The following CADM2 variants were observed in gnomAD, a reference collection of about 807,000 sequenced individuals.
The protein encoded by CADM2 is immunoglobulin superfamily member 4D.
In CADM2, 12 loss-of-function variants were observed where a neutral mutation model predicts 49.8. The ratio of observed to expected loss-of-function variants is 0.24; its 90% CI spans 0.15 to 0.39. The LOEUF (loss-of-function observed/expected upper bound fraction) is 0.39, where lower values mean the gene tolerates loss of function less well. CADM2 is among the 10% of genes least tolerant of loss of function. The pLI, the probability that CADM2 is intolerant of heterozygous loss-of-function variation, is 1.00. For missense variants in CADM2, 378 were observed against 492.3 expected (o/e 0.77, Z 2.20); for synonymous variants, 214 against 175.4 (o/e 1.22, Z -1.74).
At chr3:85,730,370 A>G (rs2067877549) in intron 2 of CADM2, among the ~76,000 whole-genome samples, 1 of 152,140 alleles carries the variant, frequency 6.6e-6, no homozygotes, top group African/African-American at 2.4e-5. Context: ...TGACCCAGGG[A>G]GGCGGAGCCT....
At chr3:85,547,934 A>G (rs543798681) in intron 1 of CADM2, among the ~76,000 whole-genome samples, 1 of 152,240 alleles carries the variant, frequency 6.6e-6, no homozygotes, top group African/African-American at 2.4e-5. Flanking sequence ...ATTCAGTGTT[A>G]GAACCCAGGA....
chr3:85,918,623 G>C (rs547117910), intron 6 of CADM2, among the ~76,000 whole-genome samples: 59 of 152,008 alleles, frequency 3.9e-4, no homozygotes, highest in African/African-American at 1.3e-3. Flanking sequence ...CTCTTTTTTT[G>C]TTGTGTCTCT....
intron 1 of CADM2, among the ~76,000 whole-genome samples, chr3:85,337,724 C>A (rs1260152822): frequency 6.6e-6 from 1 of 151,368 alleles, no homozygotes; most frequent in African/African-American, 2.4e-5. Flanking sequence ...TCTATAAACA[C>A]CCCAAAACTA....
At chr3:85,436,813 G>A (rs1389704271) in intron 1 of CADM2, among the ~76,000 whole-genome samples, 5 of 152,124 alleles carry the variant, frequency 3.3e-5, no homozygotes, top group Non-Finnish European at 1.5e-5. Context: ...CTTTGCCAAA[G>A]CGGTACATTT....
chr3:86,040,289 T>A (rs1375958345), intron 8 of CADM2, among the ~76,000 whole-genome samples: 1 of 152,160 alleles, frequency 6.6e-6, no homozygotes, highest in East Asian at 1.9e-4. Flanking sequence ...TACTCTGAGC[T>A]AAAGGAGGAA....
intron 1 of CADM2, among the ~76,000 whole-genome samples, chr3:85,011,532 T>C (rs1015694566): frequency 3.3e-5 from 5 of 152,208 alleles, no homozygotes; most frequent in African/African-American, 1.2e-4. Flanking sequence ...TAGTAATTTA[T>C]TTTTGAAGTA....
chr3:85,015,073 T>C (rs1232226545), intron 1 of CADM2, among the ~76,000 whole-genome samples: 3 of 152,132 alleles, frequency 2.0e-5, no homozygotes, highest in African/African-American at 4.8e-5. Flanking sequence ...CCATTTTCTA[T>C]TGTGCCGTAC....
In CADM2 at chr3:85,731,370, G is replaced by A. The variant is rs527833245; in HGVS notation, c.88+4822G>A. On this transcript the variant is annotated intron_variant, in intron 2 of 9. Transcript: ENST00000383699. ...TGAATCTTTGTTTTGCAACTCGCTA[G>A]ATTTGAGCACCTGGACAAATTTTCA... Among the ~76,000 whole-genome samples, 69 of 152,246 alleles carry A rather than the reference G, an allele frequency of 4.5e-4. 1 individual carries two copies. Among genetic ancestry groups the A allele is most frequent in the African/African-American group, 1.6e-3 (67 of 41,534 alleles).
chr3:85,186,413 ATTTTT>A (rs1400436641), intron 1 of CADM2, among the ~76,000 whole-genome samples: 8 of 152,116 alleles, frequency 5.3e-5, no homozygotes, highest in Non-Finnish European at 1.2e-4. Context: ...GCTTTTTCTT[ATTTTT>A]GTAAAGTATT....
chr3:85,026,262 A>G (rs1393553131), intron 1 of CADM2, among the ~76,000 whole-genome samples: 1 of 152,184 alleles, frequency 6.6e-6, no homozygotes, highest in East Asian at 1.9e-4. Context: ...TGGAGTGAAG[A>G]TCACAGGTTG....
At chr3:85,978,071 CAT>C (rs1164959555) in intron 8 of CADM2, among the ~76,000 whole-genome samples, 4 of 151,718 alleles carry the variant, frequency 2.6e-5, no homozygotes, top group East Asian at 1.9e-4. Context: ...ATGTGACAAA[CAT>C]GTGAAATCAA....
intron 1 of CADM2, among the ~76,000 whole-genome samples, chr3:85,215,172 G>C (rs184653748): frequency 6.6e-6 from 1 of 151,652 alleles, no homozygotes; most frequent in Admixed American, 6.6e-5. Flanking sequence ...TTAATAAGTA[G>C]CTAATGAATC....
At chr3:85,449,900 T>A (rs758595657) in intron 1 of CADM2, among the ~76,000 whole-genome samples, 1 of 151,926 alleles carries the variant, frequency 6.6e-6, no homozygotes, top group Non-Finnish European at 1.5e-5. Context: ...CCAATGATCT[T>A]ACTAGTACAT....
intron 5 of CADM2, among the ~76,000 whole-genome samples, chr3:85,904,747 C>T (rs553193147): frequency 6.6e-6 from 1 of 152,082 alleles, no homozygotes; most frequent in Non-Finnish European, 1.5e-5. Context: ...CATACTCATA[C>T]GTTTTCACGA....
intron 1 of CADM2, among the ~76,000 whole-genome samples, chr3:85,724,791 A>C (rs2067628476): frequency 6.6e-6 from 1 of 151,898 alleles, no homozygotes; most frequent in Non-Finnish European, 1.5e-5. Flanking sequence ...GATATTGTTT[A>C]CTTTGCTATA....
intron 1 of CADM2, among the ~76,000 whole-genome samples, chr3:85,628,223 G>C (rs962438454): frequency 5.3e-5 from 8 of 151,970 alleles, no homozygotes; most frequent in Non-Finnish European, 7.4e-5. Context: ...CTTTGCAGAA[G>C]GTGCCTCTGC....
chr3:85,261,788 A>C (rs1358338138), intron 1 of CADM2, among the ~76,000 whole-genome samples: 35 of 152,060 alleles, frequency 2.3e-4, no homozygotes, highest in Admixed American at 2.3e-3. Flanking sequence ...TTTTTTTGGC[A>C]ATTCAAATAT....
chr3:85,468,038 C>CA (rs1261180948), intron 1 of CADM2, among the ~76,000 whole-genome samples: 1 of 150,818 alleles, frequency 6.6e-6, no homozygotes, highest in Non-Finnish European at 1.5e-5. Context: ...CCTGTAGTCC[C>CA]AGCTACTTGG....
chr3:85,406,999 C>T (rs2035412132), intron 1 of CADM2, among the ~76,000 whole-genome samples: 1 of 151,944 alleles, frequency 6.6e-6, no homozygotes, highest in African/African-American at 2.4e-5. Context: ...AGTTCAAGAC[C>T]AGCCTGGGCA....
Sources: gnomAD v4.1 joint callset for allele counts (sites outside exome capture counted in the v4.1 genomes callset) on GRCh38, gnomAD v4.1.1 for gene constraint, MANE v1.5 for transcripts, NCBI Gene and HGNC (gene_info 2026-07-23, HGNC 2026-07-21) for gene names.